Variants in DGKI observed in about 807,000 individuals in gnomAD.
The protein encoded by DGKI is diacylglycerol kinase iota, also known as DAG kinase iota.
In DGKI, 55 loss-of-function variants were observed where a neutral mutation model predicts 147.5. The observed-to-expected ratio is 0.37, with a 90% confidence interval of 0.30 to 0.47. The LOEUF (loss-of-function observed/expected upper bound fraction) is 0.47. Among genes scored for constraint, DGKI ranks in the 20% least tolerant of loss-of-function variants. The pLI is 1.00. For missense variants in DGKI, 1,007 were observed against 1,323.8 expected, an observed-to-expected ratio of 0.76 and a Z score of 3.71; for synonymous variants, 469 against 477.1, an observed-to-expected ratio of 0.98 and a Z score of 0.22.
chr7:137,823,254 G>A (rs964019557), intron 1 of DGKI, among the ~76,000 whole-genome samples: 1 of 152,180 alleles, frequency 6.6e-6, no homozygotes, highest in East Asian at 1.9e-4. Flanking sequence ...AAGTTATTGA[G>A]AATTAGAATG....
chr7:137,665,850 A>G (rs565114996), intron 3 of DGKI, among the ~76,000 whole-genome samples: 1 of 152,072 alleles, frequency 6.6e-6, no homozygotes, highest in Non-Finnish European at 1.5e-5. Flanking sequence ...AAGCCAAGGG[A>G]AAAAAAAGAC....
chr7:137,845,073 C>T (rs1798669850), intron 1 of DGKI, among the ~76,000 whole-genome samples: 1 of 152,334 alleles, frequency 6.6e-6, no homozygotes, highest in African/African-American at 2.4e-5. Flanking sequence ...AAGAAAGATC[C>T]ATTTGGACCT....
chr7:137,833,953 G>T (rs1798293453), intron 1 of DGKI, among the ~76,000 whole-genome samples: 1 of 152,222 alleles, frequency 6.6e-6, no homozygotes, highest in African/African-American at 2.4e-5. Flanking sequence ...TAGACAGGGG[G>T]TTCTGGAATT....
chr7:137,523,924 T>C (rs987370122), intron 20 of DGKI, among the ~76,000 whole-genome samples: 3 of 147,430 alleles, frequency 2.0e-5, no homozygotes, highest in African/African-American at 8.1e-5. Context: ...ACGCAAAGCC[T>C]TGGACCCTTC....
intron 21 of DGKI, among the ~76,000 whole-genome samples, chr7:137,511,735 C>T (rs764053362): frequency 2.0e-5 from 3 of 152,198 alleles, no homozygotes; most frequent in Admixed American, 6.5e-5. Flanking sequence ...ACTCTGCTTT[C>T]GGAACTGAAG....
intron 1 of DGKI, among the ~76,000 whole-genome samples, chr7:137,692,705 T>A (rs1823655183): frequency 6.6e-6 from 1 of 152,192 alleles, no homozygotes; most frequent in Non-Finnish European, 1.5e-5. Flanking sequence ...TAAAGAGACA[T>A]ACAAACATTT....
chr7:137,818,296 A>G (rs1357121037), intron 1 of DGKI, among the ~76,000 whole-genome samples: 1 of 152,234 alleles, frequency 6.6e-6, no homozygotes, highest in Non-Finnish European at 1.5e-5. Context: ...TTAGGAGTCC[A>G]GAAATGTGTC....
chr7:137,527,895 C>T (rs866452729), intron 20 of DGKI, among the ~76,000 whole-genome samples: 24 of 152,150 alleles, frequency 1.6e-4, no homozygotes, highest in African/African-American at 5.3e-4. Flanking sequence ...TGAACTGGCT[C>T]GTTTTATAAA....
At chr7:137,491,318 A>T (rs2128937941) in intron 21 of DGKI, among the ~76,000 whole-genome samples, 1 of 152,284 alleles carries the variant, frequency 6.6e-6, no homozygotes, top group African/African-American at 2.4e-5. Context: ...GACTGCAGTG[A>T]TCCCCAGTTT....
intron 1 of DGKI, among the ~76,000 whole-genome samples, chr7:137,820,628 A>C (rs947028343): frequency 6.6e-6 from 1 of 152,066 alleles, no homozygotes; most frequent in Non-Finnish European, 1.5e-5. Context: ...CCCCAACCTC[A>C]TAACCTTCTA....
chr7:137,627,701 A>T (rs1820992415), intron 6 of DGKI, among the ~76,000 whole-genome samples: 1 of 152,214 alleles, frequency 6.6e-6, no homozygotes, highest in Non-Finnish European at 1.5e-5. Context: ...AGGTCTGCTA[A>T]ATGTTACAGT....
intron 28 of DGKI, among the ~76,000 whole-genome samples, chr7:137,413,197 G>A (rs2128901847): frequency 6.6e-6 from 1 of 151,260 alleles, no homozygotes; most frequent in East Asian, 2.0e-4. Flanking sequence ...AATTCGAGAG[G>A]TGGAGTTGCA....
At chr7:137,831,384 T>C (rs924098507) in intron 1 of DGKI, among the ~76,000 whole-genome samples, 2 of 152,218 alleles carry the variant, frequency 1.3e-5, no homozygotes, top group Non-Finnish European at 1.5e-5. Context: ...GGACTTACAG[T>C]TCCACGTGGT....
At chr7:137,561,289 A>G (rs1818411071) in intron 19 of DGKI, among the ~76,000 whole-genome samples, 1 of 152,220 alleles carries the variant, frequency 6.6e-6, no homozygotes, top group South Asian at 2.1e-4. Context: ...ACTGGAGAAC[A>G]TTATGCTAAA....
intron 30 of DGKI, among the ~76,000 whole-genome samples, chr7:137,400,585 T>C (rs1227355040): frequency 6.6e-6 from 1 of 152,144 alleles, no homozygotes; most frequent in Non-Finnish European, 1.5e-5. Flanking sequence ...CCAGAGTCAC[T>C]ACCCAGAATT....
chr7:137,382,973 T>C lies in DGKI; in HGVS notation c.*8247A>G, dbSNP rs534693206. ...TATGACAGAAACATTAGTCTACTGA[T>C]ATGGGGTTAAGTCTTGTTTCATGAC... On this transcript the variant is annotated 3_prime_UTR_variant, in exon 33 of 33. Coordinates refer to ENST00000614521, the MANE Select transcript of DGKI (RefSeq NM_001321708.2). 5.3e-5 allele frequency: 8 copies of C among 152,024 alleles called. No homozygotes were observed. Among genetic ancestry groups the C allele is most frequent in the African/African-American group, 1.9e-4 (8 of 41,510 alleles). 9.4% of individuals were successfully genotyped at this position (152,024 alleles called of 1,614,324 possible).
At position 137,382,669 on chromosome 7, in the gene DGKI, T is replaced by C. The variant is rs777345577; in HGVS notation, c.*8551A>G. ...TTACCATGAGAATTTGTGTTACTAC[T>C]AGGGTCTTCTTATTGTACTACTTTT... On this transcript the variant is annotated 3_prime_UTR_variant, in exon 33 of 33. Transcript: ENST00000614521. 4.6e-5 allele frequency: 7 copies of C among 152,080 alleles called. No individual in the cohort carries two copies. The highest frequency in any genetic ancestry group is 7.4e-5 in the Non-Finnish European group (5 of 67,970). 9.4% of individuals were successfully genotyped at this position (152,080 alleles called of 1,614,324 possible). A position where few individuals can be genotyped will look rare whatever the true frequency, so the allele number is the denominator to read the frequency against.
At chr7:137,741,274 G>A (rs1436457083) in intron 1 of DGKI, among the ~76,000 whole-genome samples, 5 of 152,202 alleles carry the variant, frequency 3.3e-5, no homozygotes, top group South Asian at 2.1e-4. Flanking sequence ...GCGCTCTTCC[G>A]TACATAAACA....
chr7:137,485,694 T>C (rs1269070169), intron 22 of DGKI, among the ~76,000 whole-genome samples: 3 of 152,112 alleles, frequency 2.0e-5, no homozygotes. Flanking sequence ...CAATCTCCTA[T>C]AGAGGAGACC....
Sources: gnomAD v4.1 joint callset for allele counts (sites outside exome capture counted in the v4.1 genomes callset) on GRCh38, gnomAD v4.1.1 for gene constraint, MANE v1.5 for transcripts, NCBI Gene and HGNC (gene_info 2026-07-23, HGNC 2026-07-21) for gene names.